Variants in KMT5A observed in about 807,000 individuals in gnomAD.
KMT5A encodes N-lysine methyltransferase KMT5A.
A neutral mutation model predicts 40.6 loss-of-function variants in KMT5A; 6 were observed. The ratio of observed to expected loss-of-function variants is 0.15; its 90% CI spans 0.08 to 0.29. The LOEUF (loss-of-function observed/expected upper bound fraction) is 0.29, where lower values mean the gene tolerates loss of function less well. KMT5A is among the 10% of genes least tolerant of loss of function. KMT5A has a pLI of 1.00. For missense variants in KMT5A, 308 were observed against 459.1 expected (o/e 0.67, Z 3.01); for synonymous variants, 153 against 178.8 (o/e 0.86, Z 1.15).
chr12:123,395,798 C>T (rs949420323), intron 4 of KMT5A, among the ~76,000 whole-genome samples: 5 of 151,952 alleles, frequency 3.3e-5, no homozygotes, highest in Non-Finnish European at 5.9e-5. Flanking sequence ...CTCCTGACCT[C>T]GTGATCTGCC....
chr12:123,404,380 T>C (rs771676962), intron 6 of KMT5A, among the ~76,000 whole-genome samples: 9 of 152,096 alleles, frequency 5.9e-5, no homozygotes, highest in East Asian at 1.9e-4. Context: ...CCATGTAGAA[T>C]AGAGTGAGGA....
chr12:123,404,653 A>T (rs1378785303), intron 6 of KMT5A, among the ~76,000 whole-genome samples: 2 of 152,136 alleles, frequency 1.3e-5, no homozygotes, highest in African/African-American at 2.4e-5. Context: ...GCACCAAGGA[A>T]CCACGTTTGT....
chr12:123,405,063 C>T lies in KMT5A; in HGVS notation c.837C>T (p.Ser279=), dbSNP rs758617587. 6.2e-7 allele frequency: 1 copy of T among 1,612,800 alleles called. No individual in the cohort carries two copies. The highest frequency in any genetic ancestry group is 1.1e-5 in the South Asian group (1 of 90,904). The part of the protein sequence containing the change: ...GCYMYYFQYL[S]KTYCVDATRE... ...ACATGTACTATTTTCAGTATCTGAG[C>T]AAAACCTACTGGTGAGTCCACTGTT... The change falls in exon 7 of 8, where the codon AGC becomes AGT. Residue 279 remains serine, a synonymous_variant. Transcript: ENST00000402868.
chr12:123,391,606 G>C (rs1440674233), intron 3 of KMT5A, among the ~76,000 whole-genome samples: 2 of 152,248 alleles, frequency 1.3e-5, no homozygotes, highest in South Asian at 2.1e-4. Flanking sequence ...CGAAAATACA[G>C]GGTTAATGAA....
intron 6 of KMT5A, 80 bp from the exon 7 acceptor site, chr12:123,404,804 C>A: frequency 2.1e-6 from 3 of 1,419,638 alleles, no homozygotes; most frequent in South Asian, 1.3e-5. Flanking sequence ...CTGGGGTAAG[C>A]CCCAGCTCCC....
At chr12:123,394,926 A>G (rs1877578389) in intron 3 of KMT5A, 121 bp from the exon 4 acceptor site, 1 of 897,546 alleles carries the variant, frequency 1.1e-6, no homozygotes, top group Non-Finnish European at 1.7e-6. Flanking sequence ...GGCCAAGGGC[A>G]CTCCTGCCTG....
intron 3 of KMT5A, among the ~76,000 whole-genome samples, chr12:123,394,763 G>T (rs779256434): frequency 1.3e-5 from 2 of 152,168 alleles, no homozygotes; most frequent in Non-Finnish European, 2.9e-5. Context: ...CCCTGCCAGC[G>T]TCTCCGTCTC....
intron 5 of KMT5A, 140 bp from the exon 6 acceptor site, chr12:123,403,433 C>A (rs1878323938): frequency 3.9e-6 from 3 of 759,594 alleles, no homozygotes; most frequent in Non-Finnish European, 6.7e-6. Context: ...CACTGGGGAC[C>A]CATCATCCCC....
At chr12:123,405,245 G>A (rs1384494478) in intron 7 of KMT5A, among the ~76,000 whole-genome samples, 171 bp downstream of exon 7, 1 of 151,878 alleles carries the variant, frequency 6.6e-6, no homozygotes, top group Non-Finnish European at 1.5e-5. Context: ...CCAGGCTGGA[G>A]TGCAGTGGTG....
rs1876739845 is a variant in KMT5A, at chr12:123,384,394, A to G, written c.10+186A>G. Among the ~76,000 whole-genome samples the G allele has an allele frequency of 6.6e-6, 1 of 152,096 alleles. No homozygotes were observed. The highest frequency in any genetic ancestry group is 2.4e-5 in the African/African-American group (1 of 41,442). ...CGCCGGCCCCCCCTTGCGGCTCCAG[A>G]TGCCCCCAGAAACCCTTCCCACTGC... On this transcript the variant is annotated intron_variant, in intron 1 of 7. Transcript: ENST00000402868. The surrounding 1 kb of genome is among the most constrained non-coding windows in gnomAD (Gnocchi z 5.7).
At chr12:123,390,155 G>A in intron 2 of KMT5A, 1 of 465,958 alleles carries the variant, frequency 2.1e-6, no homozygotes. Flanking sequence ...AGAGGGGTCA[G>A]GCTCCGGCGC....
rs1878444030 is a variant in KMT5A, at chr12:123,405,192, C to T, written c.848+118C>T. On this transcript the variant is annotated intron_variant, in intron 7 of 7. Coordinates refer to ENST00000402868, the MANE Select transcript of KMT5A (RefSeq NM_020382.7). ...AGTCTTTTGGTTTTGTTGTTGTTGA[C>T]TTTTTTTTTTTTATTTTTTGAGATG... 3 of 839,358 alleles carry T rather than the reference C, an allele frequency of 3.6e-6. No homozygotes were observed. The East Asian group carries it at 1.0e-4, about 29-fold the overall frequency. 52.0% of individuals were successfully genotyped at this position (839,358 alleles called of 1,614,324 possible). A position where few individuals can be genotyped will look rare whatever the true frequency, so the allele number is the denominator to read the frequency against.
chr12:123,390,576 G>A (rs1004395222), intron 2 of KMT5A, 54 bp from the exon 3 acceptor site: 1 of 1,585,748 alleles, frequency 6.3e-7, no homozygotes, highest in African/African-American at 1.4e-5. Context: ...CCTCGTGAAT[G>A]CTCTAGGATC....
chr12:123,385,086 C>T (rs1876794389), intron 1 of KMT5A, among the ~76,000 whole-genome samples: 1 of 151,754 alleles, frequency 6.6e-6, no homozygotes, highest in Non-Finnish European at 1.5e-5. Context: ...AATTTCAAGG[C>T]TTCAAGTGTT....
chr12:123,392,484 C>T (rs1449313995), intron 3 of KMT5A, among the ~76,000 whole-genome samples: 1 of 151,906 alleles, frequency 6.6e-6, no homozygotes, highest in African/African-American at 2.4e-5. Context: ...ATAGTGAGGC[C>T]TCATCTCTAC....
chr12:123,396,315 T>C (rs28410096), intron 4 of KMT5A, 30 bp from the exon 5 acceptor site: 1,438,790 of 1,609,190 alleles, frequency 0.89, 644,585 homozygotes, highest in Middle Eastern at 0.92. Context: ...AGTCCTGATA[T>C]TTATTTTCTC....
chr12:123,394,421 A>G (rs1005276971), intron 3 of KMT5A, among the ~76,000 whole-genome samples: 3 of 152,118 alleles, frequency 2.0e-5, no homozygotes, highest in African/African-American at 7.2e-5. Flanking sequence ...TAGTTATTTA[A>G]AAGTAAAACA....
At chr12:123,401,981 C>T (rs1194831953) in intron 5 of KMT5A, among the ~76,000 whole-genome samples, 1 of 152,110 alleles carries the variant, frequency 6.6e-6, no homozygotes, top group East Asian at 1.9e-4. Context: ...CTCCTGGGCT[C>T]CAGCAATCCT....
Position 123,403,543 on chromosome 12 carries a change from C to T in KMT5A, c.598-30C>T, listed in dbSNP as rs532258895. 9.3e-6 allele frequency: 15 copies of T among 1,612,976 alleles called. No homozygotes were observed. In the South Asian group the frequency reaches 1.3e-4, roughly 14 times the overall value. ...CGCACGATGGGCCTAGGAGAAGATACTGATGCTGTTTTTCTTTCTCTCTGC... is the reference window on the plus strand; with the variant it reads ...CGCACGATGGGCCTAGGAGAAGATATTGATGCTGTTTTTCTTTCTCTCTGC... On this transcript the variant is annotated intron_variant, in intron 5 of 7. Coordinates refer to ENST00000402868, the MANE Select transcript of KMT5A (RefSeq NM_020382.7).
Sources: gnomAD v4.1 joint callset for allele counts (sites outside exome capture counted in the v4.1 genomes callset) on GRCh38, gnomAD v4.1.1 for gene constraint, Gnocchi (gnomAD v3.1) non-coding constraint, MANE v1.5 for transcripts, NCBI Gene and HGNC (gene_info 2026-07-23, HGNC 2026-07-21) for gene names.